The following TTC17 variants were observed in gnomAD, a reference collection of about 807,000 sequenced individuals.
The protein encoded by TTC17 is tetratricopeptide repeat domain 17, also known as tetratricopeptide repeat protein 17.
TTC17 carries 58 observed loss-of-function variants against 143.8 expected under a neutral mutation model. That is an observed-to-expected ratio of 0.40 (90% CI 0.33 to 0.50). The LOEUF is 0.50. Ranked by LOEUF, TTC17 falls within the 20% of genes least tolerant of loss-of-function variation. The pLI is 0.49. For synonymous variants in TTC17, 501 were observed against 497.8 expected, an observed-to-expected ratio of 1.01 and a Z score of -0.09; for missense variants, 1,273 against 1,392.5, an observed-to-expected ratio of 0.91 and a Z score of 1.37.
intron 1 of TTC17, among the ~76,000 whole-genome samples, chr11:43,365,532 T>TG (rs1259478389): frequency 6.6e-6 from 1 of 152,198 alleles, no homozygotes; most frequent in African/African-American, 2.4e-5. Flanking sequence ...CCTCCCAAAG[T>TG]GCTGGGATTA....
At chr11:43,394,186 T>G (rs1415143598) in intron 5 of TTC17, among the ~76,000 whole-genome samples, 3 of 152,172 alleles carry the variant, frequency 2.0e-5, no homozygotes, top group Non-Finnish European at 4.4e-5. Context: ...CAGGCCAATA[T>G]TGCTGGAGCC....
chr11:43,397,898 TTCCGTGTG>T (rs1857670192), intron 7 of TTC17, 68 bp from the exon 8 acceptor site: 1 of 1,475,208 alleles, frequency 6.8e-7, no homozygotes, highest in Non-Finnish European at 9.1e-7. Context: ...ACATTTTTTT[TTCCGTGTG>T]TGTGTGTGTG....
chr11:43,404,214 C>T, intron 11 of TTC17, 70 bp downstream of exon 11: 1 of 1,459,926 alleles, frequency 6.8e-7, no homozygotes, highest in Non-Finnish European at 9.3e-7. Flanking sequence ...TGGCCCTCAA[C>T]CTCACTGATT....
intron 1 of TTC17, 153 bp downstream of exon 1, chr11:43,359,266 A>C: frequency 1.0e-6 from 1 of 966,872 alleles, no homozygotes; most frequent in Non-Finnish European, 1.4e-6. Flanking sequence ...CTGCATTCGG[A>C]CCAGGCAGGC....
intron 12 of TTC17, 38 bp downstream of exon 12, chr11:43,405,667 C>T (rs761583894): frequency 1.2e-6 from 2 of 1,610,984 alleles, no homozygotes; most frequent in African/African-American, 1.3e-5. Context: ...CCTGATTCTG[C>T]ATGATTGTCA....
At chr11:43,410,568 C>T (rs1160621682) in intron 15 of TTC17, among the ~76,000 whole-genome samples, 5 of 152,158 alleles carry the variant, frequency 3.3e-5, no homozygotes, top group Middle Eastern at 3.2e-3. Context: ...CATATTTACA[C>T]GGATATCCAG....
chr11:43,492,275 T>C (rs1422802295), intron 23 of TTC17, 112 bp downstream of exon 23: 14 of 1,387,034 alleles, frequency 1.0e-5, no homozygotes, highest in Non-Finnish European at 1.4e-5. Flanking sequence ...TAAGCTTGTC[T>C]AAAATTGCTG....
At chr11:43,383,390 C>G (rs1231916573) in intron 2 of TTC17, among the ~76,000 whole-genome samples, 1 of 152,096 alleles carries the variant, frequency 6.6e-6, no homozygotes, top group African/African-American at 2.4e-5. Flanking sequence ...TTGCTCTTGT[C>G]CCCCAGGCTG....
At chr11:43,386,772 T>G (rs1857184958) in intron 2 of TTC17, among the ~76,000 whole-genome samples, 1 of 151,066 alleles carries the variant, frequency 6.6e-6, no homozygotes, top group South Asian at 2.1e-4. Flanking sequence ...TTCTTACGTA[T>G]GTATGTATTT....
chr11:43,471,093 C>T (rs1360470595), intron 21 of TTC17, among the ~76,000 whole-genome samples: 1 of 152,140 alleles, frequency 6.6e-6, no homozygotes, highest in African/African-American at 2.4e-5. Flanking sequence ...GGATTAAATC[C>T]ACCTGATCCA....
At chr11:43,402,004 TAAATA>T (rs1303178976) in intron 10 of TTC17, among the ~76,000 whole-genome samples, 1 of 149,946 alleles carries the variant, frequency 6.7e-6, no homozygotes, top group Non-Finnish European at 1.5e-5. Flanking sequence ...AATAAATAAA[TAAATA>T]AATAAATAAA....
intron 19 of TTC17, 33 bp from the exon 20 acceptor site, chr11:43,450,049 C>T: frequency 6.3e-7 from 1 of 1,597,442 alleles, no homozygotes; most frequent in Non-Finnish European, 8.5e-7. Flanking sequence ...TCAAAAATTT[C>T]CCATAGCTAA....
At chr11:43,423,627 A>T (rs1353325052) in intron 16 of TTC17, among the ~76,000 whole-genome samples, 1 of 152,182 alleles carries the variant, frequency 6.6e-6, no homozygotes, top group Admixed American at 6.5e-5. Context: ...GTTTATTTTG[A>T]TGAGCATTAG....
chr11:43,429,329 C>T (rs557763114), intron 16 of TTC17, among the ~76,000 whole-genome samples: 1 of 152,266 alleles, frequency 6.6e-6, no homozygotes, highest in African/African-American at 2.4e-5. Context: ...GAATTTATAC[C>T]ATGGAAGTGT....
intron 21 of TTC17, among the ~76,000 whole-genome samples, chr11:43,483,111 A>G (rs1256602952): frequency 6.6e-6 from 1 of 152,138 alleles, no homozygotes; most frequent in Non-Finnish European, 1.5e-5. Flanking sequence ...AGAAAAATGT[A>G]ATGTATTAAA....
At chr11:43,398,196 T>A in intron 8 of TTC17, 83 bp downstream of exon 8, 2 of 1,520,262 alleles carry the variant, frequency 1.3e-6, no homozygotes, top group Non-Finnish European at 1.8e-6. Flanking sequence ...CAGTGTTAAT[T>A]TGGTAACTGG....
chr11:43,370,058 A>T (rs1245719665), intron 1 of TTC17: 1 of 455,544 alleles, frequency 2.2e-6, no homozygotes, highest in African/African-American at 2.0e-5. Flanking sequence ...ATCTGTTTAT[A>T]TTACACATTT....
rs576968702 is a variant in TTC17 at position 43,404,155 on chromosome 11, AG to A, written c.1479+12del. 1.5e-4 allele frequency: 239 copies of A among 1,595,776 alleles called. No homozygotes were observed. The African/African-American group carries it at 3.1e-3, about 21-fold the overall frequency. ...TCTGATGCATATAGGGTAAGTTAAT[AG>A]AGGATGACGAAGCAGTTTTCTCAAA... On this transcript the variant is annotated intron_variant, in intron 11 of 23. Transcript: ENST00000039989.
chr11:43,395,070 T>C (rs762828285), intron 5 of TTC17, among the ~76,000 whole-genome samples: 8 of 151,846 alleles, frequency 5.3e-5, no homozygotes, highest in Non-Finnish European at 1.0e-4. Context: ...ATTTAACTTA[T>C]CATGATCTCT....
Sources: gnomAD v4.1 joint callset for allele counts (sites outside exome capture counted in the v4.1 genomes callset) on GRCh38, gnomAD v4.1.1 for gene constraint, MANE v1.5 for transcripts, NCBI Gene and HGNC (gene_info 2026-07-23, HGNC 2026-07-21) for gene names.